Variants in LRRC66 observed in about 807,000 individuals in gnomAD.
LRRC66 encodes the protein leucine rich repeat containing 66, also known as leucine-rich repeat-containing protein 66.
LRRC66 carries 29 observed loss-of-function variants against 24.6 expected under a neutral mutation model. The ratio of observed to expected loss-of-function variants is 1.18; its 90% CI spans 0.88 to 1.61. The LOEUF is 1.61. LRRC66 is among the 40% of genes most tolerant of loss of function. The probability of loss-of-function intolerance (pLI) is 0.00; values close to 1 mark genes in which losing one functional copy is unlikely to be tolerated. For synonymous variants in LRRC66, 411 were observed against 397.6 expected, an observed-to-expected ratio of 1.03 and a Z score of -0.40; for missense variants, 1,124 against 1,058.0, an observed-to-expected ratio of 1.06 and a Z score of -0.87.
chr4:52,001,510 C>T (rs570172847), intron 3 of LRRC66, among the ~76,000 whole-genome samples: 71 of 152,220 alleles, frequency 4.7e-4, no homozygotes, highest in Non-Finnish European at 6.5e-4. Flanking sequence ...AAAGAGCAGG[C>T]GACAGTGGCC....
chr4:52,008,991 G>T (rs988517398), intron 2 of LRRC66, among the ~76,000 whole-genome samples: 1 of 152,108 alleles, frequency 6.6e-6, no homozygotes, highest in Non-Finnish European at 1.5e-5. Context: ...GGGAAAAAAT[G>T]GGAGAACACC....
intron 2 of LRRC66, among the ~76,000 whole-genome samples, chr4:52,004,480 T>C (rs1038142881): frequency 1.3e-5 from 2 of 152,238 alleles, no homozygotes; most frequent in Admixed American, 6.5e-5. Flanking sequence ...TTCACTTGAT[T>C]TCAGAGAGTA....
chr4:52,003,339 A>G lies in LRRC66; in HGVS notation c.550T>C (p.Leu184=), dbSNP rs373795334. ...TGAAAATCAGACCACCCTATTTGCA[A>G]TATCCCATTGAATGACAGATCCAAA... The part of the protein sequence containing the change: ...QSLDLSFNGI[L]QIGWSDFHNC... The change falls in exon 3 of 5, where the codon TTG becomes CTG. Residue 184 remains leucine, a synonymous_variant. Transcript: ENST00000682860. The G allele has an allele frequency of 3.1e-6, 5 of 1,613,792 alleles. No homozygotes were observed. The highest frequency in any genetic ancestry group is 4.2e-6 in the Non-Finnish European group (5 of 1,179,888).
At chr4:52,016,027 T>G (rs1736801305) in intron 2 of LRRC66, among the ~76,000 whole-genome samples, 1 of 152,172 alleles carries the variant, frequency 6.6e-6, no homozygotes, top group African/African-American at 2.4e-5. Context: ...ACAGGTATTC[T>G]TCTTGTAATA....
intron 2 of LRRC66, among the ~76,000 whole-genome samples, chr4:52,004,439 T>C (rs1391123621): frequency 6.6e-6 from 1 of 152,234 alleles, no homozygotes; most frequent in Non-Finnish European, 1.5e-5. Context: ...AGGAAAATAA[T>C]CAAATTGAAT....
rs1381472344 is a variant in LRRC66, at chr4:51,995,621, G to A, written c.1401C>T (p.Ala467=). 6.2e-7 allele frequency: 1 copy of A among 1,614,130 alleles called. No homozygotes were observed. Among genetic ancestry groups the A allele is most frequent in the South Asian group, 1.1e-5 (1 of 91,072 alleles). ...PFWVTQPHPH[A]TVIPDRTLGR... ...CCAGAGTTCTATCAGGAATTACGGTGGCGTGTGGGTGTGGCTGTGTCACCC... is the reference window on the plus strand; with the variant it reads ...CCAGAGTTCTATCAGGAATTACGGTAGCGTGTGGGTGTGGCTGTGTCACCC... The change falls in exon 5 of 5, where the codon GCC becomes GCT. Residue 467 remains alanine, a synonymous_variant. Coordinates refer to ENST00000682860, the MANE Select transcript of LRRC66 (RefSeq NM_001024611.3).
At position 51,994,948 on chromosome 4, in the gene LRRC66, G is replaced by T. The variant is rs1353163679; in HGVS notation, c.2074C>A (p.Pro692Thr). Reference sequence around the variant, plus strand: ...TCCAACTCACAGCAAGTGTCAGAAGGAGTGGATTTCTGCACTGGTTCCTTG... The same window carrying T: ...TCCAACTCACAGCAAGTGTCAGAAGTAGTGGATTTCTGCACTGGTTCCTTG... ...ANKEPVQKST[P>T]SDTCCELESD... Residue 692 changes from proline (P) to threonine (T), a missense_variant, in exon 5 of 5, where the codon CCT (proline) becomes ACT (threonine). By Grantham distance (38) the Pro-to-Thr change is conservative (BLOSUM62 -1). Transcript: ENST00000682860. The T allele has an allele frequency of 6.2e-7, 1 of 1,614,122 alleles. No homozygotes were observed. Among genetic ancestry groups the T allele is most frequent in the Middle Eastern group, 1.6e-4 (1 of 6,062 alleles).
At position 51,997,900 on chromosome 4, in the gene LRRC66, A is replaced by G. The variant is rs756689831; in HGVS notation, c.704T>C (p.Leu235Pro). ...TTCTAGAGCTATGATCATCATTGGT[A>G]GGATGGTAATCAGAGCATTGTTGCT... ...DLSNNALITILPMMIIALEFP... is the reference protein window; with the variant it reads ...DLSNNALITIPPMMIIALEFP... The change falls in exon 4 of 5, where the codon CTA becomes CCA. Residue 235 changes from leucine (L) to proline (P), a missense_variant. Leu to Pro is a moderately conservative substitution (Grantham distance 98, BLOSUM62 -3). Coordinates refer to ENST00000682860, the MANE Select transcript of LRRC66 (RefSeq NM_001024611.3). The G allele has an allele frequency of 1.9e-6, 3 of 1,614,152 alleles. No homozygotes were observed. The highest frequency in any genetic ancestry group is 2.5e-6 in the Non-Finnish European group (3 of 1,179,992).
At chr4:52,001,768 G>C (rs2110195343) in intron 3 of LRRC66, among the ~76,000 whole-genome samples, 1 of 152,308 alleles carries the variant, frequency 6.6e-6, no homozygotes, top group Non-Finnish European at 1.5e-5. Flanking sequence ...CCCTTCTACA[G>C]AAGAGGGACT....
Position 51,994,632 on chromosome 4 carries a change from T to C in LRRC66, c.2390A>G (p.Asp797Gly). The C allele has an allele frequency of 1.9e-6, 3 of 1,607,516 alleles. No homozygotes were observed. The highest frequency in any genetic ancestry group is 2.6e-6 in the Non-Finnish European group (3 of 1,174,704). Residue 797 changes from aspartate to glycine, a missense_variant, in exon 5 of 5, where the codon GAT becomes GGT. Coordinates refer to ENST00000682860, the MANE Select transcript of LRRC66 (RefSeq NM_001024611.3). ...KTHLENASDT[D>G]RSEGLSPWPR... ...CCAGGGTGACAGGCCCTCAGATCTA[T>C]CAGTGTCAGAGGCATTTTCCAGATG... is the stretch of plus-strand genomic sequence containing the variant.
At chr4:52,018,169 G>A (rs980721081) in intron 1 of LRRC66, 1 of 985,198 alleles carries the variant, frequency 1.0e-6, no homozygotes, top group South Asian at 4.7e-5. Context: ...TGTGTGGCTT[G>A]TGTGACTTTT....
chr4:51,998,561 G>T (rs1000545370), intron 3 of LRRC66, among the ~76,000 whole-genome samples: 3 of 152,150 alleles, frequency 2.0e-5, no homozygotes, highest in Admixed American at 6.6e-5. Context: ...GAGATCTTTT[G>T]AATCAAATAT....
intron 2 of LRRC66, among the ~76,000 whole-genome samples, chr4:52,008,645 T>C (rs930634691): frequency 6.6e-6 from 1 of 152,110 alleles, no homozygotes. Flanking sequence ...TGAAAATCTT[T>C]AAAACGGTCA....
intron 2 of LRRC66, among the ~76,000 whole-genome samples, chr4:52,007,697 C>G (rs567457836): frequency 4.6e-4 from 70 of 152,320 alleles, no homozygotes; most frequent in Non-Finnish European, 9.0e-4. Flanking sequence ...TACACTTCCC[C>G]ATCCCACTGA....
rs760370524 is a variant in LRRC66, at chr4:52,003,257, G to A, written c.632C>T (p.Pro211Leu). ...CLKSNKIFKI[P>L]PQAFKDLKKL... ...TTTGAGGTCCTTGAAGGCTTGTGGGGGAATTTTGAATATCTTGTTGCTCTT... is the reference window on the plus strand; with the variant it reads ...TTTGAGGTCCTTGAAGGCTTGTGGGAGAATTTTGAATATCTTGTTGCTCTT... Residue 211 changes from proline (P) to leucine (L), a missense_variant, in exon 3 of 5, where the codon CCC (proline) becomes CTC (leucine). Transcript: ENST00000682860. 3 of 1,613,166 alleles carry A rather than the reference G, an allele frequency of 1.9e-6. No individual in the cohort carries two copies. The highest frequency in any genetic ancestry group is 1.7e-4 in the Middle Eastern group (1 of 6,056).
chr4:51,994,110 A>G lies in LRRC66; in HGVS notation c.*269T>C. 2.6e-6 allele frequency: 1 copy of G among 387,498 alleles called. No individual in the cohort carries two copies. The allele number at this position is 387,498 out of a possible 1,614,324, so 24.0% of individuals were successfully genotyped here. A position where few individuals can be genotyped will look rare whatever the true frequency, so the allele number is the denominator to read the frequency against. On this transcript the variant is annotated 3_prime_UTR_variant, in exon 5 of 5. Transcript: ENST00000682860. The stretch of plus-strand genomic sequence containing the variant: ...TGTAATAATGGTGCATGGTTCTTGG[A>G]ATGATCTCAAAATATTCCCCTCTTT...
At position 52,008,583 on chromosome 4, in the gene LRRC66, T is replaced by C. The variant is rs114640381; in HGVS notation, c.497-5191A>G. Among the ~76,000 whole-genome samples, 1,120 of 152,278 alleles carry C rather than the reference T, an allele frequency of 7.4e-3. 13 individuals carry two copies. The highest frequency in any genetic ancestry group is 0.025 in the African/African-American group (1,059 of 41,570). On this transcript the variant is annotated intron_variant, in intron 2 of 4. Transcript: ENST00000682860. ...ATAAAGATATGGATGAGAGCAGATT[T>C]CTTATCGGAAACAATGCAAATTCAA...
At chr4:52,012,525 C>T (rs1458835874) in intron 2 of LRRC66, among the ~76,000 whole-genome samples, 1 of 152,106 alleles carries the variant, frequency 6.6e-6, no homozygotes, top group Non-Finnish European at 1.5e-5. Flanking sequence ...AAAACTCTTG[C>T]ATGGTACTTG....
At chr4:51,999,488 T>G (rs979040229) in intron 3 of LRRC66, among the ~76,000 whole-genome samples, 3 of 152,148 alleles carry the variant, frequency 2.0e-5, no homozygotes, top group African/African-American at 7.2e-5. Flanking sequence ...GGTGGGAGAC[T>G]GTGGGATTGG....
Sources: allele counts gnomAD v4.1 joint callset (sites outside exome capture counted in the v4.1 genomes callset), GRCh38; gene constraint gnomAD v4.1.1; transcripts MANE v1.5; gene names NCBI Gene and HGNC (gene_info 2026-07-23, HGNC 2026-07-21).